IL1RAPL2: variants seen among roughly 807,000 people sequenced by gnomAD.
IL1RAPL2 encodes interleukin 1 receptor accessory protein like 2, also known as X-linked interleukin-1 receptor accessory protein-like 2.
IL1RAPL2 carries 3 observed loss-of-function variants against 44.1 expected under a neutral mutation model. The ratio of observed to expected loss-of-function variants is 0.07; its 90% CI spans 0.03 to 0.18. The LOEUF (loss-of-function observed/expected upper bound fraction) is 0.18, where lower values mean the gene tolerates loss of function less well. Among genes scored for constraint, IL1RAPL2 ranks in the 10% least tolerant of loss-of-function variants. The pLI, the probability that IL1RAPL2 is intolerant of heterozygous loss-of-function variation, is 1.00. For missense variants in IL1RAPL2, 391 were observed against 496.4 expected, an observed-to-expected ratio of 0.79 and a Z score of 2.02; for synonymous variants, 181 against 178.8, an observed-to-expected ratio of 1.01 and a Z score of -0.10.
At chrX:105,500,554 G>C (rs979322246) in intron 6 of IL1RAPL2, among the ~76,000 whole-genome samples, 2 of 111,255 alleles carry the variant, frequency 1.8e-5, no homozygotes, top group African/African-American at 6.5e-5. Flanking sequence ...GCTGGGGCAA[G>C]TATTACAATC....
chrX:104,873,466 A>G (rs957642213), intron 2 of IL1RAPL2, among the ~76,000 whole-genome samples: 19 of 111,871 alleles, frequency 1.7e-4, no homozygotes, highest in African/African-American at 5.5e-4. Flanking sequence ...AAACAACCCC[A>G]TGATCTCACC....
intron 2 of IL1RAPL2, among the ~76,000 whole-genome samples, chrX:105,093,160 C>A (rs1012769479): frequency 9.2e-6 from 1 of 108,888 alleles, no homozygotes; most frequent in Non-Finnish European, 1.9e-5. Context: ...CTTATAAATA[C>A]CCTCATATGT....
At chrX:105,726,431 T>C (rs191361956) in intron 7 of IL1RAPL2, among the ~76,000 whole-genome samples, 1 of 111,416 alleles carries the variant, frequency 9.0e-6, no homozygotes, top group Non-Finnish European at 1.9e-5. Context: ...AGATTTAGAC[T>C]ATAAAAAGTC....
intron 5 of IL1RAPL2, among the ~76,000 whole-genome samples, chrX:105,314,549 C>A (rs745503187): frequency 1.8e-5 from 2 of 111,962 alleles, no homozygotes; most frequent in Non-Finnish European, 3.8e-5. Context: ...CTTACTATAT[C>A]ATTCTCCATT....
intron 5 of IL1RAPL2, among the ~76,000 whole-genome samples, chrX:105,320,934 C>T (rs2034892875): frequency 9.0e-6 from 1 of 111,495 alleles, no homozygotes; most frequent in Admixed American, 9.5e-5. Flanking sequence ...CCATCTCTCT[C>T]TGGAAAATCT....
At chrX:105,108,040 G>GT (rs1408404307) in intron 2 of IL1RAPL2, among the ~76,000 whole-genome samples, 15 of 110,826 alleles carry the variant, frequency 1.4e-4, no homozygotes, top group Non-Finnish European at 2.6e-4. Context: ...TCAAAGCTCA[G>GT]TTTTTTCTAG....
At chrX:104,623,042 C>G (rs1448337618) in intron 1 of IL1RAPL2, among the ~76,000 whole-genome samples, 2 of 110,884 alleles carry the variant, frequency 1.8e-5, no homozygotes, top group Non-Finnish European at 3.8e-5. Flanking sequence ...CTGTTTGAAA[C>G]TGAAGCATTT....
chrX:105,234,296 G>T (rs1556199026), intron 4 of IL1RAPL2, among the ~76,000 whole-genome samples: 2 of 111,817 alleles, frequency 1.8e-5, no homozygotes, highest in Non-Finnish European at 3.8e-5. Context: ...ACACTTGAAA[G>T]AAATTATTTG....
chrX:104,977,837 C>G (rs570760861), intron 2 of IL1RAPL2, among the ~76,000 whole-genome samples: 1 of 112,178 alleles, frequency 8.9e-6, no homozygotes, highest in Admixed American at 9.5e-5. Context: ...TCTATATCCA[C>G]GTTTTATTAT....
At chrX:104,637,247 A>G (rs1455607814) in intron 1 of IL1RAPL2, among the ~76,000 whole-genome samples, 1 of 111,011 alleles carries the variant, frequency 9.0e-6, no homozygotes, top group Non-Finnish European at 1.9e-5. Flanking sequence ...AGTTTTTTCT[A>G]GATCATGGCA....
rs867577104 is a variant in IL1RAPL2, at chrX:105,092,104, G to A, written c.83-103371G>A. Among the ~76,000 whole-genome samples, 7 of 110,635 alleles carry A rather than the reference G, an allele frequency of 6.3e-5. 1 individual carries two copies. Among genetic ancestry groups the A allele is most frequent in the Admixed American group, 1.9e-4 (2 of 10,304 alleles). ...ATGTTTTTTTTATTTCATTGTTATC[G>A]TCCTTCATATAGGTAGGTTGGTATT... is the stretch of plus-strand genomic sequence containing the variant. On this transcript the variant is annotated intron_variant, in intron 2 of 10. Coordinates refer to ENST00000372582, the MANE Select transcript of IL1RAPL2 (RefSeq NM_017416.2).
intron 2 of IL1RAPL2, among the ~76,000 whole-genome samples, chrX:104,934,335 C>T (rs1385195777): frequency 9.1e-6 from 1 of 110,057 alleles, no homozygotes; most frequent in Non-Finnish European, 1.9e-5. Context: ...TGAAGATAAT[C>T]AAGGAACTAA....
intron 2 of IL1RAPL2, among the ~76,000 whole-genome samples, chrX:104,727,915 A>G (rs1931829583): frequency 9.1e-6 from 1 of 110,363 alleles, no homozygotes; most frequent in Non-Finnish European, 1.9e-5. Context: ...ATGTGTATAC[A>G]TGGGCATAGC....
intron 2 of IL1RAPL2, among the ~76,000 whole-genome samples, chrX:104,991,216 C>A: frequency 9.0e-6 from 1 of 111,365 alleles, no homozygotes; most frequent in Non-Finnish European, 1.9e-5. Context: ...TATTTATGTA[C>A]AAGATAGTAA....
intron 6 of IL1RAPL2, among the ~76,000 whole-genome samples, chrX:105,636,700 G>T (rs963458000): frequency 2.7e-5 from 3 of 111,856 alleles, no homozygotes; most frequent in African/African-American, 9.8e-5. Flanking sequence ...ATGAGGCAGA[G>T]AAATCAACAC....
chrX:105,726,147 A>G (rs1352758777), intron 7 of IL1RAPL2, among the ~76,000 whole-genome samples: 1 of 112,040 alleles, frequency 8.9e-6, no homozygotes, highest in African/African-American at 3.2e-5. Flanking sequence ...ACAAAAACCT[A>G]TAATTAGTAA....
chrX:105,298,277 A>G (rs1477803743), intron 5 of IL1RAPL2, among the ~76,000 whole-genome samples: 1 of 111,984 alleles, frequency 8.9e-6, no homozygotes, highest in Non-Finnish European at 1.9e-5. Context: ...ACGAGCAAGG[A>G]GATGTTGAAT....
chrX:105,159,988 C>CCG (rs1309950417), intron 2 of IL1RAPL2, among the ~76,000 whole-genome samples: 2 of 98,274 alleles, frequency 2.0e-5, no homozygotes, highest in African/African-American at 7.4e-5. Flanking sequence ...AAGAACCCCC[C>CCG]CCCCCACTCC....
chrX:104,661,288 T>A (rs1930396863), intron 2 of IL1RAPL2, among the ~76,000 whole-genome samples: 1 of 111,656 alleles, frequency 9.0e-6, no homozygotes, highest in Admixed American at 9.6e-5. Flanking sequence ...GGAACAAAAC[T>A]TCTTACAGGT....
Sources: gnomAD v4.1 joint callset for allele counts (sites outside exome capture counted in the v4.1 genomes callset) on GRCh38, gnomAD v4.1.1 for gene constraint, MANE v1.5 for transcripts, NCBI Gene and HGNC (gene_info 2026-07-23, HGNC 2026-07-21) for gene names.